Variants in YWHAB observed in about 807,000 individuals in gnomAD.
The protein encoded by YWHAB is 14-3-3 protein beta/alpha.
Under a neutral mutation model 28.5 loss-of-function variants are expected in YWHAB, and 2 were observed. The observed-to-expected ratio is 0.07, with a 90% CI of 0.03 to 0.22. The LOEUF (loss-of-function observed/expected upper bound fraction) is 0.22. Ranked by LOEUF, YWHAB falls within the 10% of genes least tolerant of loss-of-function variation. YWHAB has a pLI of 1.00. For synonymous variants in YWHAB, 103 were observed against 104.7 expected, an observed-to-expected ratio of 0.98 and a Z score of 0.10; for missense variants, 148 against 297.1, an observed-to-expected ratio of 0.50 and a Z score of 3.69.
chr20:44,906,278 G>A (rs1601099870), intron 5 of YWHAB, 104 bp from the exon 6 acceptor site: 1 of 1,301,858 alleles, frequency 7.7e-7, no homozygotes, highest in East Asian at 2.3e-5. Flanking sequence ...AGTGACACAG[G>A]AATAATTTTA....
intron 1 of YWHAB, among the ~76,000 whole-genome samples, chr20:44,895,758 T>C (rs1362869529): frequency 2.6e-5 from 4 of 152,340 alleles, no homozygotes; most frequent in Admixed American, 2.6e-4. Flanking sequence ...TGATCTGCCA[T>C]GCCTGACTGG....
Position 44,907,814 on chromosome 20 carries a change from C to T in YWHAB, c.*1376C>T, listed in dbSNP as rs8356. On this transcript the variant is annotated 3_prime_UTR_variant, in exon 6 of 6. Transcript: ENST00000353703. ...CCCTGTCTTCCTCCAGTTCTCAACACGGTGTTGCTCTTCAGTCATACCGGA... is the reference window on the plus strand; with the variant it reads ...CCCTGTCTTCCTCCAGTTCTCAACATGGTGTTGCTCTTCAGTCATACCGGA... 39,574 of 152,124 alleles carry T rather than the reference C, an allele frequency of 0.26. 5,362 individuals carry two copies. The highest frequency in any genetic ancestry group is 0.37 in the Middle Eastern group (110 of 294). The allele number at this position is 152,124 out of a possible 1,614,324, so 9.4% of individuals were successfully genotyped here. A position where few individuals can be genotyped will look rare whatever the true frequency, so the allele number is the denominator to read the frequency against.
chr20:44,888,448 C>T (rs1269335670), intron 1 of YWHAB, among the ~76,000 whole-genome samples: 2 of 152,120 alleles, frequency 1.3e-5, no homozygotes, highest in Non-Finnish European at 1.5e-5. Flanking sequence ...ATAATTTTCC[C>T]GAGGTCTCAC....
Position 44,904,015 on chromosome 20 carries a change from T to C in YWHAB, c.323T>C (p.Ile108Thr). 1 of 1,596,798 alleles carries C rather than the reference T, an allele frequency of 6.3e-7. No homozygotes were observed. The highest frequency in any genetic ancestry group is 8.5e-7 in the Non-Finnish European group (1 of 1,175,996). Residue 108 changes from isoleucine (I) to threonine (T), a missense_variant, in exon 3 of 6, where the codon ATT (isoleucine) becomes ACT (threonine). Coordinates refer to ENST00000353703, the MANE Select transcript of YWHAB (RefSeq NM_139323.4). ...DVLELLDKYL[I>T]PNATQPESKV... The stretch of plus-strand genomic sequence containing the variant: ...TAGGAGCTGTTGGACAAATATCTTA[T>C]TCCCAATGCTACACAACCAGAAAGT...
At chr20:44,905,562 T>A (rs1443331050) in intron 4 of YWHAB, 4 of 164,134 alleles carry the variant, frequency 2.4e-5, no homozygotes, top group Non-Finnish European at 5.2e-5. Context: ...ACACAACTTT[T>A]TAAAAACATT....
At chr20:44,892,726 T>C (rs919466707) in intron 1 of YWHAB, among the ~76,000 whole-genome samples, 23 of 152,236 alleles carry the variant, frequency 1.5e-4, no homozygotes, top group African/African-American at 5.3e-4. Flanking sequence ...ATTTGATAGC[T>C]ATTAATGTCT....
At chr20:44,890,831 A>G (rs868613396) in intron 1 of YWHAB, among the ~76,000 whole-genome samples, 7 of 151,784 alleles carry the variant, frequency 4.6e-5, no homozygotes, top group Non-Finnish European at 7.4e-5. Context: ...TAAGCTCACA[A>G]TCCGGTGTGG....
intron 1 of YWHAB, 64 bp from the exon 2 acceptor site, chr20:44,901,467 C>G (rs2066626112): frequency 6.8e-7 from 1 of 1,480,550 alleles, no homozygotes; most frequent in Non-Finnish European, 9.1e-7. Context: ...AGAAGATTCA[C>G]ACACGTTTCC....
Position 44,891,351 on chromosome 20 carries a change from C to T in YWHAB, c.-4+5465C>T, listed in dbSNP as rs141056665. 8.5e-3 allele frequency among the ~76,000 whole-genome samples: 1,297 copies of T among 152,094 alleles called. 17 individuals are homozygous for T. The highest frequency in any genetic ancestry group is 0.029 in the African/African-American group (1,204 of 41,466). ...GAACTCCTGACCTCAAGTGATCACC[C>T]TCCTCGGCCTCCCAGAGTGCTGGGA... On this transcript the variant is annotated intron_variant, in intron 1 of 5. Coordinates refer to ENST00000353703, the MANE Select transcript of YWHAB (RefSeq NM_139323.4).
chr20:44,897,072 A>C (rs2066600270), intron 1 of YWHAB, among the ~76,000 whole-genome samples: 1 of 152,182 alleles, frequency 6.6e-6, no homozygotes, highest in Non-Finnish European at 1.5e-5. Context: ...CCCCAAACAG[A>C]AAGGGTGCAT....
chr20:44,890,073 A>G (rs749956505), intron 1 of YWHAB, among the ~76,000 whole-genome samples: 44 of 152,224 alleles, frequency 2.9e-4, no homozygotes, highest in African/African-American at 1.4e-4. Context: ...TTTGCAGGCC[A>G]TAAATGATGG....
At chr20:44,899,250 G>A (rs1224628729) in intron 1 of YWHAB, among the ~76,000 whole-genome samples, 3 of 151,798 alleles carry the variant, frequency 2.0e-5, no homozygotes, top group South Asian at 4.1e-4. Context: ...AGGCCAAGGC[G>A]GGCAGATCAC....
At chr20:44,894,569 C>T (rs1018821179) in intron 1 of YWHAB, among the ~76,000 whole-genome samples, 5 of 152,188 alleles carry the variant, frequency 3.3e-5, no homozygotes, top group Non-Finnish European at 7.3e-5. Context: ...TTTTGCTTTT[C>T]CTTCTCACAA....
In YWHAB at chr20:44,907,326, C is replaced by T. The variant is rs1049150041; in HGVS notation, c.*888C>T. On this transcript the variant is annotated 3_prime_UTR_variant, in exon 6 of 6. Transcript: ENST00000353703. The stretch of plus-strand genomic sequence containing the variant: ...GGCGTGGTGGTGCGTGCATCTAGTC[C>T]CAACTATTTGGGAGGCTGAGGCAGG... 6.6e-6 allele frequency: 1 copy of T among 152,268 alleles called. No individual in the cohort carries two copies. Among genetic ancestry groups the T allele is most frequent in the African/African-American group, 2.4e-5 (1 of 41,374 alleles). The allele number at this position is 152,268 out of a possible 1,614,324, so 9.4% of individuals were successfully genotyped here. A position where few individuals can be genotyped will look rare whatever the true frequency, so the allele number is the denominator to read the frequency against.
At chr20:44,899,054 G>C (rs2036717695) in intron 1 of YWHAB, among the ~76,000 whole-genome samples, 1 of 152,182 alleles carries the variant, frequency 6.6e-6, no homozygotes, top group African/African-American at 2.4e-5. Flanking sequence ...AGAGGTTGCA[G>C]TGAGCCGAGG....
At chr20:44,891,384 C>T (rs1034535200) in intron 1 of YWHAB, among the ~76,000 whole-genome samples, 7 of 152,186 alleles carry the variant, frequency 4.6e-5, no homozygotes, top group Non-Finnish European at 1.0e-4. Context: ...GGATTACAGG[C>T]GTGAGCCACC....
At chr20:44,899,658 T>C (rs1156267623) in intron 1 of YWHAB, among the ~76,000 whole-genome samples, 2 of 152,254 alleles carry the variant, frequency 1.3e-5, no homozygotes, top group African/African-American at 2.4e-5. Flanking sequence ...TAAATAACTT[T>C]TCAATTATTT....
At chr20:44,898,426 G>GTGTA (rs2145533198) in intron 1 of YWHAB, among the ~76,000 whole-genome samples, 1 of 152,024 alleles carries the variant, frequency 6.6e-6, no homozygotes, top group South Asian at 2.1e-4. Context: ...AAGGCCCTGT[G>GTGTA]TGTAGAATTT....
Position 44,905,200 on chromosome 20 carries a change from C to G in YWHAB, c.588+69C>G, listed in dbSNP as rs975483850. 3.4e-6 allele frequency: 5 copies of G among 1,478,944 alleles called. No individual in the cohort carries two copies. The African/African-American group carries it at 7.1e-5, about 21-fold the overall frequency. The allele number at this position is 1,478,944 out of a possible 1,614,324, so 91.6% of individuals were successfully genotyped here. ...CTTGTGTTATTAACTTCATTTTATT[C>G]CTGAACATACTCATTGTCTTGGACT... On this transcript the variant is annotated intron_variant, in intron 4 of 5. Coordinates refer to ENST00000353703, the MANE Select transcript of YWHAB (RefSeq NM_139323.4).
Sources: allele counts gnomAD v4.1 joint callset (sites outside exome capture counted in the v4.1 genomes callset), GRCh38; gene constraint gnomAD v4.1.1; transcripts MANE v1.5; gene names NCBI Gene and HGNC (gene_info 2026-07-23, HGNC 2026-07-21).